Variants in DPP10 observed in about 807,000 individuals in gnomAD.
The protein encoded by DPP10 is dipeptidyl peptidase like 10.
Under a neutral mutation model 120.9 loss-of-function variants are expected in DPP10, and 33 were observed. The ratio of observed to expected loss-of-function variants is 0.27; its 90% CI spans 0.21 to 0.37. The LOEUF (loss-of-function observed/expected upper bound fraction) is 0.37. DPP10 is among the 10% of genes least tolerant of loss of function. DPP10 has a pLI of 1.00. For missense variants in DPP10, 816 were observed against 942.8 expected, an observed-to-expected ratio of 0.87 and a Z score of 1.76; for synonymous variants, 337 against 326.1, an observed-to-expected ratio of 1.03 and a Z score of -0.36.
chr2:115,058,537 T>C (rs572216667), intron 1 of DPP10, among the ~76,000 whole-genome samples: 1 of 152,236 alleles, frequency 6.6e-6, no homozygotes, highest in South Asian at 2.1e-4. Context: ...GTCGCTGGGA[T>C]TACAGGCACC....
intron 3 of DPP10, among the ~76,000 whole-genome samples, chr2:115,394,484 G>GA (rs938568700): frequency 1.2e-4 from 17 of 136,364 alleles, no homozygotes; most frequent in African/African-American, 3.5e-4. Context: ...AAAAAAAAAA[G>GA]AAAAAAAAAG....
At chr2:115,669,626 G>C (rs2089718253) in intron 5 of DPP10, among the ~76,000 whole-genome samples, 1 of 151,898 alleles carries the variant, frequency 6.6e-6, no homozygotes, top group Non-Finnish European at 1.5e-5. Flanking sequence ...ATTCTCTGTG[G>C]TGGCAAAATT....
chr2:115,001,681 A>G (rs1221518898), intron 1 of DPP10, among the ~76,000 whole-genome samples: 1 of 152,210 alleles, frequency 6.6e-6, no homozygotes, highest in Admixed American at 6.5e-5. Flanking sequence ...TCTGATAAAC[A>G]ACTTCAAAAA....
intron 3 of DPP10, among the ~76,000 whole-genome samples, chr2:115,443,636 TGTG>T (rs1315354219): frequency 6.6e-6 from 1 of 152,166 alleles, no homozygotes; most frequent in Non-Finnish European, 1.5e-5. Context: ...ATTCACAAAA[TGTG>T]GTTCTCAGAC....
At chr2:115,405,201 A>T (rs139491829) in intron 3 of DPP10, among the ~76,000 whole-genome samples, 21 of 152,370 alleles carry the variant, frequency 1.4e-4, no homozygotes, top group South Asian at 4.1e-4. Flanking sequence ...TGGAACAGGC[A>T]TAAGATGAGT....
At chr2:114,784,473 A>C (rs1490352214) in intron 1 of DPP10, among the ~76,000 whole-genome samples, 2 of 152,112 alleles carry the variant, frequency 1.3e-5, no homozygotes, top group African/African-American at 2.4e-5. Flanking sequence ...TCTGATGTGA[A>C]GATGTCACTG....
At chr2:115,247,048 A>G (rs1009280743) in intron 1 of DPP10, among the ~76,000 whole-genome samples, 8 of 152,184 alleles carry the variant, frequency 5.3e-5, no homozygotes, top group African/African-American at 1.9e-4. Flanking sequence ...TTCAAAAATG[A>G]TAAAATGAGG....
intron 1 of DPP10, among the ~76,000 whole-genome samples, chr2:114,622,119 C>T (rs557084053): frequency 6.6e-6 from 1 of 152,104 alleles, no homozygotes; most frequent in Non-Finnish European, 1.5e-5. Context: ...ACAGGAGTAG[C>T]TGAGGGTGTC....
chr2:115,693,948 T>C (rs1255024847), intron 7 of DPP10, among the ~76,000 whole-genome samples: 1 of 152,154 alleles, frequency 6.6e-6, no homozygotes, highest in Non-Finnish European at 1.5e-5. Flanking sequence ...GGTATTCACT[T>C]TTACTATTAT....
intron 1 of DPP10, among the ~76,000 whole-genome samples, chr2:114,886,169 G>T (rs1692054373): frequency 6.6e-6 from 1 of 152,134 alleles, no homozygotes; most frequent in Non-Finnish European, 1.5e-5. Flanking sequence ...TTTATTTTTA[G>T]AACTGCATTT....
At chr2:114,531,630 C>T (rs1053605109) in intron 1 of DPP10, among the ~76,000 whole-genome samples, 1 of 133,000 alleles carries the variant, frequency 7.5e-6, no homozygotes, top group African/African-American at 2.6e-5. Context: ...ACACACATAT[C>T]TCCTATTGGT....
At chr2:114,624,884 T>C (rs958391540) in intron 1 of DPP10, among the ~76,000 whole-genome samples, 6 of 151,954 alleles carry the variant, frequency 3.9e-5, no homozygotes, top group Non-Finnish European at 8.8e-5. Flanking sequence ...GGTTCATCTG[T>C]TGCTCCACTT....
intron 1 of DPP10, among the ~76,000 whole-genome samples, chr2:114,651,718 C>T (rs939210833): frequency 6.6e-6 from 1 of 151,900 alleles, no homozygotes; most frequent in East Asian, 1.9e-4. Context: ...CCACTTTTCT[C>T]ATGAAAAGAA....
intron 1 of DPP10, among the ~76,000 whole-genome samples, chr2:115,194,172 C>T (rs1263454717): frequency 2.0e-5 from 3 of 151,922 alleles, no homozygotes; most frequent in South Asian, 2.1e-4. Flanking sequence ...AAAGCCGTTG[C>T]TGCTACCGAT....
At chr2:115,348,530 CATGTGCAGGT>C (rs2063826549) in intron 3 of DPP10, among the ~76,000 whole-genome samples, 1 of 151,688 alleles carries the variant, frequency 6.6e-6, no homozygotes, top group African/African-American at 2.4e-5. Context: ...TTAGGGAGTG[CATGTGCAGGT>C]TTGTTACATG....
At chr2:115,061,919 G>GAATATTAA (rs1706440153) in intron 1 of DPP10, among the ~76,000 whole-genome samples, 1 of 151,566 alleles carries the variant, frequency 6.6e-6, no homozygotes, top group Non-Finnish European at 1.5e-5. Flanking sequence ...AGATTATTTA[G>GAATATTAA]AATATTAAAA....
chr2:115,241,469 A>G (rs2058275734), intron 1 of DPP10, among the ~76,000 whole-genome samples: 1 of 152,206 alleles, frequency 6.6e-6, no homozygotes, highest in African/African-American at 2.4e-5. Flanking sequence ...AATCTGGTAC[A>G]GGTTAACAAT....
At chr2:114,985,077 G>A (rs1700313839) in intron 1 of DPP10, among the ~76,000 whole-genome samples, 1 of 152,088 alleles carries the variant, frequency 6.6e-6, no homozygotes, top group Non-Finnish European at 1.5e-5. Flanking sequence ...CCTTGTCAAG[G>A]CCCAAAGATT....
At chr2:115,803,827 T>A (rs1016907409) in intron 19 of DPP10, among the ~76,000 whole-genome samples, 2 of 152,172 alleles carry the variant, frequency 1.3e-5, no homozygotes, top group Non-Finnish European at 2.9e-5. Context: ...CTTCCCTTTG[T>A]GGGTAACCCG....
Sources: allele counts gnomAD v4.1 joint callset (sites outside exome capture counted in the v4.1 genomes callset), GRCh38; gene constraint gnomAD v4.1.1; transcripts MANE v1.5; gene names NCBI Gene and HGNC (gene_info 2026-07-23, HGNC 2026-07-21).